The following GRID2 variants were observed in gnomAD, a reference collection of about 807,000 sequenced individuals.
The protein encoded by GRID2 is glutamate receptor ionotropic, delta-2.
Under a neutral mutation model 114.8 loss-of-function variants are expected in GRID2, and 33 were observed. The observed-to-expected ratio is 0.29, with a 90% confidence interval of 0.22 to 0.38. The LOEUF (loss-of-function observed/expected upper bound fraction) is 0.38. Ranked by LOEUF, GRID2 falls within the 10% of genes least tolerant of loss-of-function variation. The pLI is 1.00. For synonymous variants in GRID2, 505 were observed against 449.9 expected (o/e 1.12, Z -1.55); for missense variants, 1,184 against 1,257.7 (o/e 0.94, Z 0.89).
chr4:93,648,556 C>T (rs942234077), intron 14 of GRID2, among the ~76,000 whole-genome samples: 7 of 152,128 alleles, frequency 4.6e-5, no homozygotes, highest in African/African-American at 1.2e-4. Flanking sequence ...TGCTATAGAC[C>T]GCTTCGGCTC....
rs952387682 is a variant in GRID2 at position 92,698,637 on chromosome 4, TA to T, written c.244+108361del. Among the ~76,000 whole-genome samples, 542 of 147,380 alleles carry T rather than the reference TA, an allele frequency of 3.7e-3. 4 individuals are homozygous for T. The highest frequency in any genetic ancestry group is 0.012 in the African/African-American group (473 of 40,542). On this transcript the variant is annotated intron_variant, in intron 2 of 15. Transcript: ENST00000282020. ...CTGATATAGAAGCTGATCTTGCCTT[TA>T]AAAAAAAAAGAATGGAAAAGTAGAA...
intron 1 of GRID2, among the ~76,000 whole-genome samples, chr4:92,461,564 T>C (rs562537597): frequency 6.6e-6 from 1 of 152,094 alleles, no homozygotes; most frequent in East Asian, 1.9e-4. Flanking sequence ...ATATAGCTAC[T>C]TTCTGTATAA....
chr4:93,501,336 T>C (rs577589358), intron 12 of GRID2, among the ~76,000 whole-genome samples: 1 of 152,088 alleles, frequency 6.6e-6, no homozygotes, highest in Admixed American at 6.6e-5. Flanking sequence ...CAGTAGGGAA[T>C]TGCACACTTT....
intron 14 of GRID2, among the ~76,000 whole-genome samples, chr4:93,690,895 CTT>C (rs10560405): frequency 0.041 from 6,146 of 148,112 alleles, 194 homozygotes; most frequent in African/African-American, 0.081. Flanking sequence ...TATTATAACA[CTT>C]TATGTTATGT....
chr4:93,532,200 T>C (rs991757981), intron 13 of GRID2, among the ~76,000 whole-genome samples: 2 of 152,174 alleles, frequency 1.3e-5, no homozygotes, highest in African/African-American at 4.8e-5. Flanking sequence ...AAACTTGGGC[T>C]AATTCAATGA....
At chr4:93,683,890 C>G (rs927646425) in intron 14 of GRID2, among the ~76,000 whole-genome samples, 1 of 151,972 alleles carries the variant, frequency 6.6e-6, no homozygotes, top group Non-Finnish European at 1.5e-5. Context: ...CTCAATGACA[C>G]TTTTTAAAGC....
intron 14 of GRID2, among the ~76,000 whole-genome samples, chr4:93,738,463 G>T (rs1048448227): frequency 3.9e-5 from 6 of 152,108 alleles, no homozygotes; most frequent in Middle Eastern, 3.2e-3. Flanking sequence ...ATAGTGGCTT[G>T]ACCCAGAGCA....
At chr4:92,524,749 G>A (rs13149704) in intron 1 of GRID2, among the ~76,000 whole-genome samples, 8,923 of 151,910 alleles carry the variant, frequency 0.059, 291 homozygotes, top group East Asian at 0.089. Flanking sequence ...GAGTGGGAGT[G>A]AAAACCTAAT....
intron 1 of GRID2, among the ~76,000 whole-genome samples, chr4:92,492,093 A>G (rs2149114450): frequency 6.6e-6 from 1 of 152,300 alleles, no homozygotes; most frequent in East Asian, 1.9e-4. Flanking sequence ...TCTATCCTAA[A>G]AGGCTTTGTA....
At chr4:92,765,042 C>T (rs1187329969) in intron 2 of GRID2, among the ~76,000 whole-genome samples, 4 of 152,190 alleles carry the variant, frequency 2.6e-5, no homozygotes, top group African/African-American at 9.6e-5. Flanking sequence ...TGGAAAGCTA[C>T]AATTTAAATA....
At chr4:92,793,030 G>A (rs938572199) in intron 2 of GRID2, among the ~76,000 whole-genome samples, 13 of 150,692 alleles carry the variant, frequency 8.6e-5, no homozygotes, top group African/African-American at 2.2e-4. Flanking sequence ...ATAACATTTT[G>A]CGTAAAGAGA....
chr4:93,551,843 C>T (rs10029961), intron 13 of GRID2, among the ~76,000 whole-genome samples: 90,516 of 152,082 alleles, frequency 0.6, 28,185 homozygotes, highest in African/African-American at 0.76. Flanking sequence ...TGATGGCTTA[C>T]ATTGTGCCCT....
At chr4:93,392,647 G>T (rs1319342149) in intron 8 of GRID2, among the ~76,000 whole-genome samples, 1 of 152,060 alleles carries the variant, frequency 6.6e-6, no homozygotes, top group African/African-American at 2.4e-5. Context: ...AGCATTTTGG[G>T]AGGCTGAGGT....
intron 9 of GRID2, among the ~76,000 whole-genome samples, chr4:93,420,740 T>G (rs949227927): frequency 1.7e-5 from 1 of 57,912 alleles, no homozygotes; most frequent in Non-Finnish European, 4.8e-5. Flanking sequence ...ACTTATTTAT[T>G]TATTTATTTA....
At chr4:92,810,997 G>A (rs1392406517) in intron 2 of GRID2, among the ~76,000 whole-genome samples, 1 of 152,008 alleles carries the variant, frequency 6.6e-6, no homozygotes, top group African/African-American at 2.4e-5. Flanking sequence ...TGGCCAGGTT[G>A]GTCTCAAACT....
intron 2 of GRID2, among the ~76,000 whole-genome samples, chr4:92,703,499 A>T (rs1365997708): frequency 6.6e-6 from 1 of 151,994 alleles, no homozygotes; most frequent in South Asian, 2.1e-4. Flanking sequence ...CCTAGAAGAG[A>T]ATGGGCTTTG....
chr4:93,793,211 G>T (rs1027209534), intron 1 of GRID2, among the ~76,000 whole-genome samples: 8 of 152,138 alleles, frequency 5.3e-5, no homozygotes, highest in African/African-American at 1.9e-4. Context: ...TAAGCATTCA[G>T]TTTATTTTTG....
intron 1 of GRID2, among the ~76,000 whole-genome samples, chr4:92,587,309 A>T (rs184245225): frequency 6.6e-6 from 1 of 152,224 alleles, no homozygotes; most frequent in African/African-American, 2.4e-5. Context: ...TTGAGCAACT[A>T]TATAGTTAAC....
chr4:92,695,167 T>C (rs1041525137), intron 2 of GRID2, among the ~76,000 whole-genome samples: 7 of 152,062 alleles, frequency 4.6e-5, no homozygotes, highest in African/African-American at 7.2e-5. Flanking sequence ...GGTTTCACTA[T>C]ATTGCCCCGT....
Sources: gnomAD v4.1 joint callset for allele counts (sites outside exome capture counted in the v4.1 genomes callset) on GRCh38, gnomAD v4.1.1 for gene constraint, MANE v1.5 for transcripts, NCBI Gene and HGNC (gene_info 2026-07-23, HGNC 2026-07-21) for gene names.